Variants in OTUB1 observed in about 807,000 individuals in gnomAD.
OTUB1 encodes ubiquitin thioesterase OTUB1.
In OTUB1, 10 loss-of-function variants were observed where a neutral mutation model predicts 35.8. The ratio of observed to expected loss-of-function variants is 0.28; its 90% CI spans 0.17 to 0.47. OTUB1 has a LOEUF of 0.47. OTUB1 is among the 20% of genes least tolerant of loss of function. The probability of loss-of-function intolerance (pLI) is 0.99; values close to 1 mark genes in which losing one functional copy is unlikely to be tolerated. For synonymous variants in OTUB1, 158 were observed against 143.8 expected (o/e 1.10, Z -0.71); for missense variants, 264 against 351.6 (o/e 0.75, Z 1.99).
At chr11:63,993,478 A>G (rs185602107) in intron 3 of OTUB1, among the ~76,000 whole-genome samples, 23 of 152,174 alleles carry the variant, frequency 1.5e-4, no homozygotes, top group African/African-American at 5.5e-4. Flanking sequence ...CCTGGCCAAC[A>G]TGGTGAAACC....
intron 3 of OTUB1, chr11:63,989,124 A>T (rs537727377): frequency 5.7e-6 from 1 of 174,320 alleles, no homozygotes; most frequent in Non-Finnish European, 1.2e-5. Flanking sequence ...GTTCGAGACC[A>T]GTCTGGCTGA....
chr11:63,997,636 A>G lies in OTUB1; in HGVS notation c.*90A>G, dbSNP rs1216626612. ...TTTTTCTGTGGTTGTAAATGGTCCT[A>G]TTTCACCCCCTTCTTCCTGTCACAT... On this transcript the variant is annotated 3_prime_UTR_variant, in exon 7 of 7. Transcript: ENST00000538426. The G allele has an allele frequency of 1.1e-5, 12 of 1,094,536 alleles. No individual in the cohort carries two copies. In the East Asian group the frequency reaches 1.9e-4, roughly 17 times the overall value. 67.8% of individuals were successfully genotyped at this position (1,094,536 alleles called of 1,614,324 possible). A position where few individuals can be genotyped will look rare whatever the true frequency, so the allele number is the denominator to read the frequency against.
In OTUB1 at chr11:63,997,754, G is replaced by A; in HGVS notation, c.*208G>A. On this transcript the variant is annotated 3_prime_UTR_variant, in exon 7 of 7. Coordinates refer to ENST00000538426, the MANE Select transcript of OTUB1 (RefSeq NM_017670.3). ...TGCCCGCCTGGCTGCTCTGTCTGCT[G>A]CCCCCTCCCCCCAGGTGGGTCCCCC... The A allele has an allele frequency of 1.4e-6, 1 of 702,006 alleles. No homozygotes were observed. The highest frequency in any genetic ancestry group is 2.6e-6 in the Non-Finnish European group (1 of 385,688). The allele number at this position is 702,006 out of a possible 1,614,324, so 43.5% of individuals were successfully genotyped here.
chr11:63,996,831 G>C (rs937645562), intron 4 of OTUB1, 26 bp from the exon 5 acceptor site: 1 of 1,613,970 alleles, frequency 6.2e-7, no homozygotes, highest in South Asian at 1.1e-5. Flanking sequence ...GCCCATGCTG[G>C]GCCCGCCTTT....
chr11:63,987,452 G>T (rs1942631654), intron 1 of OTUB1, among the ~76,000 whole-genome samples: 1 of 152,182 alleles, frequency 6.6e-6, no homozygotes, highest in African/African-American at 2.4e-5. Context: ...GGTCCATAGG[G>T]TGGACCTGCC....
intron 5 of OTUB1, 24 bp from the exon 6 acceptor site, chr11:63,997,026 C>T: frequency 6.2e-7 from 1 of 1,612,482 alleles, no homozygotes; most frequent in East Asian, 2.2e-5. Context: ...CGTCATCTTG[C>T]CCTTTCTCCC....
chr11:63,996,555 TC>T lies in OTUB1; in HGVS notation c.247del (p.Arg83AlafsTer63). 6.2e-7 allele frequency: 1 copy of T among 1,614,232 alleles called. No homozygotes were observed. Among genetic ancestry groups the T allele is most frequent in the Non-Finnish European group, 8.5e-7 (1 of 1,180,028 alleles). On this transcript the variant is annotated frameshift_variant, in exon 4 of 7. Transcript: ENST00000538426. LOFTEE classifies it high-confidence loss of function. ...IKDLHKKYSY[I>X]RKTRPDGNCF... is the part of the protein sequence containing the mutation. ...GACCTCCACAAAAAGTACTCGTACA[TC>T]CGCAAGACCAGGCCTGACGGCAACT... is the stretch of plus-strand genomic sequence containing the variant.
chr11:63,988,895 G>A (rs765229240), intron 3 of OTUB1, 143 bp downstream of exon 3: 7 of 616,194 alleles, frequency 1.1e-5, no homozygotes, highest in South Asian at 1.9e-5. Flanking sequence ...CTTGAAGTGC[G>A]TAGGCTGAGG....
chr11:63,986,746 C>A, intron 1 of OTUB1: 2 of 512,834 alleles, frequency 3.9e-6, no homozygotes, highest in Non-Finnish European at 6.8e-6. Flanking sequence ...CGGCCCTTCT[C>A]CATCGTGTGC....
intron 1 of OTUB1, 110 bp from the exon 2 acceptor site, chr11:63,988,227 G>C: frequency 1.2e-6 from 1 of 821,508 alleles, no homozygotes; most frequent in South Asian, 1.7e-5. Flanking sequence ...CCTGCTTCCA[G>C]ATTCTAAGCC....
chr11:63,989,002 A>G (rs1942645495), intron 3 of OTUB1: 1 of 380,312 alleles, frequency 2.6e-6, no homozygotes, highest in Non-Finnish European at 4.7e-6. Flanking sequence ...TGATAAGAGC[A>G]AAACTTCATC....
At chr11:63,995,065 C>T (rs565684563) in intron 3 of OTUB1, among the ~76,000 whole-genome samples, 1 of 152,050 alleles carries the variant, frequency 6.6e-6, no homozygotes, top group South Asian at 2.1e-4. Flanking sequence ...GGGTCTCACG[C>T]ACTCTGTCAC....
chr11:63,992,074 G>A (rs919233532), intron 3 of OTUB1, among the ~76,000 whole-genome samples: 10 of 152,030 alleles, frequency 6.6e-5, no homozygotes, highest in Middle Eastern at 3.2e-3. Context: ...AAAATTAGCC[G>A]GGTGTGGTGG....
intron 1 of OTUB1, among the ~76,000 whole-genome samples, chr11:63,987,593 C>A (rs1177185856): frequency 6.6e-6 from 1 of 152,220 alleles, no homozygotes; most frequent in Non-Finnish European, 1.5e-5. Context: ...CTGAAGAGCT[C>A]AGCCTGGAAT....
intron 3 of OTUB1, chr11:63,988,995 T>C (rs965182347): frequency 7.4e-5 from 26 of 351,212 alleles, no homozygotes; most frequent in African/African-American, 6.0e-4. Flanking sequence ...GCCTGGGTGA[T>C]AAGAGCAAAA....
Position 63,997,607 on chromosome 11 carries a change from G to C in OTUB1, c.*61G>C. 1 of 1,466,112 alleles carries C rather than the reference G, an allele frequency of 6.8e-7. No individual in the cohort carries two copies. The highest frequency in any genetic ancestry group is 9.5e-7 in the Non-Finnish European group (1 of 1,049,080). 90.8% of individuals were successfully genotyped at this position (1,466,112 alleles called of 1,614,324 possible). On this transcript the variant is annotated 3_prime_UTR_variant, in exon 7 of 7. Coordinates refer to ENST00000538426, the MANE Select transcript of OTUB1 (RefSeq NM_017670.3). ...CTCTGCCAGGCGCTAGACATGTACA[G>C]AGGTTTTTCTGTGGTTGTAAATGGT... is the stretch of plus-strand genomic sequence containing the variant.
intron 4 of OTUB1, 54 bp from the exon 5 acceptor site, chr11:63,996,803 G>A (rs774019558): frequency 1.9e-5 from 30 of 1,611,894 alleles, no homozygotes; most frequent in Admixed American, 8.4e-5. Context: ...CGGCCCTGGC[G>A]TCTGGGCTGG....
Position 63,996,590 on chromosome 11 carries a change from C to A in OTUB1, c.280C>A (p.Arg94=). The part of the protein sequence containing the change: ...KTRPDGNCFY[R]AFGFSHLEAL... Reference sequence around the variant, plus strand: ...CAGGCCTGACGGCAACTGTTTCTATCGGGCTTTCGGATTCTCCCACTTGGA... The same window carrying A: ...CAGGCCTGACGGCAACTGTTTCTATAGGGCTTTCGGATTCTCCCACTTGGA... The change falls in exon 4 of 7, where the codon CGG becomes AGG. Residue 94 remains arginine, a synonymous_variant. Transcript: ENST00000538426. 2.5e-6 allele frequency: 4 copies of A among 1,614,218 alleles called. No homozygotes were observed. Among genetic ancestry groups the A allele is most frequent in the Non-Finnish European group, 2.5e-6 (3 of 1,180,028 alleles).
chr11:63,996,429 A>C, intron 3 of OTUB1, 101 bp from the exon 4 acceptor site: 1 of 1,322,364 alleles, frequency 7.6e-7, no homozygotes, highest in Non-Finnish European at 1.1e-6. Flanking sequence ...CTGGGAGCTC[A>C]GTTGCCACCT....
Sources: allele counts gnomAD v4.1 joint callset (sites outside exome capture counted in the v4.1 genomes callset), GRCh38; gene constraint gnomAD v4.1.1; transcripts MANE v1.5; gene names NCBI Gene and HGNC (gene_info 2026-07-23, HGNC 2026-07-21).